FAM13C: variants seen among roughly 807,000 people sequenced by gnomAD.
FAM13C encodes the protein family with sequence similarity 13 member C, also known as protein FAM13C.
FAM13C carries 37 observed loss-of-function variants against 73.2 expected under a neutral mutation model. The observed-to-expected ratio is 0.51, with a 90% CI of 0.39 to 0.67. The LOEUF is 0.67. FAM13C is among the 30% of genes least tolerant of loss of function. FAM13C has a pLI of 0.00. For synonymous variants in FAM13C, 246 were observed against 260.9 expected (o/e 0.94, Z 0.55); for missense variants, 589 against 715.6 (o/e 0.82, Z 2.02).
intron 5 of FAM13C, among the ~76,000 whole-genome samples, chr10:59,288,100 G>C (rs921303288): frequency 6.6e-6 from 1 of 152,180 alleles, no homozygotes; most frequent in Non-Finnish European, 1.5e-5. Context: ...AACACAAATA[G>C]GTTTCAAAGA....
intron 5 of FAM13C, among the ~76,000 whole-genome samples, chr10:59,295,916 C>T (rs1846862337): frequency 6.6e-6 from 1 of 152,188 alleles, no homozygotes; most frequent in African/African-American, 2.4e-5. Context: ...ATGTCAATAA[C>T]ATCCTGTTCT....
At chr10:59,280,670 T>C (rs1844822838) in intron 6 of FAM13C, among the ~76,000 whole-genome samples, 1 of 152,196 alleles carries the variant, frequency 6.6e-6, no homozygotes, top group South Asian at 2.1e-4. Context: ...GTAATTATGA[T>C]CTGTAAGAAG....
chr10:59,252,966 T>G lies in FAM13C; in HGVS notation c.1365A>C (p.Pro455=). The G allele has an allele frequency of 6.2e-7, 1 of 1,613,940 alleles. No individual in the cohort carries two copies. Among genetic ancestry groups the G allele is most frequent in the Non-Finnish European group, 8.5e-7 (1 of 1,179,988 alleles). The change falls in exon 12 of 14, where the codon CCA becomes CCC. Residue 455 remains proline, a synonymous_variant. Coordinates refer to ENST00000618804, the MANE Select transcript of FAM13C (RefSeq NM_198215.4). ...QEEEDSDEDR[P]QGSQQPSLAD... ...CCAAAGAAGGTTGTTGGCTTCCCTG[T>G]GGACGGTCTTCATCAGAGTCCTCTT... is the stretch of plus-strand genomic sequence containing the variant.
At chr10:59,313,212 G>A (rs962665711) in intron 4 of FAM13C, among the ~76,000 whole-genome samples, 6 of 152,178 alleles carry the variant, frequency 3.9e-5, no homozygotes, top group African/African-American at 1.4e-4. Context: ...ACTAGGCCTG[G>A]TTCTTATCCT....
intron 13 of FAM13C, chr10:59,251,039 A>G (rs1221401621): frequency 1.3e-5 from 2 of 154,070 alleles, no homozygotes; most frequent in Admixed American, 6.5e-5. Context: ...TTGGGTTGAC[A>G]CAGAAAAATA....
rs1014158713 is a variant in FAM13C at position 59,268,838 on chromosome 10, C to A, written c.804-147G>T. Reference sequence around the variant, plus strand: ...GATGAGGCCACCATGGTAGCATCTGCTCATTAATGGAGACTCCCTATCACA... The same window carrying A: ...GATGAGGCCACCATGGTAGCATCTGATCATTAATGGAGACTCCCTATCACA... On this transcript the variant is annotated intron_variant, in intron 7 of 13. Transcript: ENST00000618804. The A allele has an allele frequency of 3.3e-6, 3 of 901,120 alleles. No homozygotes were observed. In the African/African-American group the frequency reaches 5.1e-5, roughly 15 times the overall value. The allele number at this position is 901,120 out of a possible 1,614,324, so 55.8% of individuals were successfully genotyped here. A position where few individuals can be genotyped will look rare whatever the true frequency, so the allele number is the denominator to read the frequency against.
Position 59,336,933 on chromosome 10 carries a change from C to T in FAM13C, c.325-12827G>A, listed in dbSNP as rs73299256. On this transcript the variant is annotated intron_variant, in intron 3 of 13. Coordinates refer to ENST00000618804, the MANE Select transcript of FAM13C (RefSeq NM_198215.4). ...CCCATCCTTTCCACATCCTACAGTT[C>T]ACGGATGACAAATTAGGTGGCAGCT... is the stretch of plus-strand genomic sequence containing the variant. Among the ~76,000 whole-genome samples the T allele has an allele frequency of 9.9e-3, 1,501 of 152,294 alleles. 33 individuals are homozygous for T. Among genetic ancestry groups the T allele is most frequent in the African/African-American group, 0.034 (1,411 of 41,562 alleles).
intron 10 of FAM13C, among the ~76,000 whole-genome samples, 197 bp from the exon 11 acceptor site, chr10:59,254,640 G>T (rs945955694): frequency 6.6e-6 from 1 of 151,630 alleles, no homozygotes; most frequent in Non-Finnish European, 1.5e-5. Flanking sequence ...GTCTCACTCT[G>T]TCACCCAGGC....
rs60716601 is a variant in FAM13C at position 59,357,010 on chromosome 10, C to T, written c.63-1067G>A. Among the ~76,000 whole-genome samples the T allele has an allele frequency of 3.3e-3, 500 of 152,302 alleles. 3 individuals are homozygous for T. Among genetic ancestry groups the T allele is most frequent in the African/African-American group, 0.011 (459 of 41,572 alleles). On this transcript the variant is annotated intron_variant, in intron 1 of 13. Transcript: ENST00000618804. ...CAGCTTTTGGACTCTCGGACTTACA[C>T]CAGTGATTTGCCAGGGGCTCTTGTG...
At chr10:59,267,173 G>C (rs150091564) in intron 8 of FAM13C, among the ~76,000 whole-genome samples, 142 of 152,288 alleles carry the variant, frequency 9.3e-4, no homozygotes, top group African/African-American at 3.3e-3. Context: ...TGGAGCCCCT[G>C]GTTGTTACTC....
chr10:59,290,539 C>G (rs1386565100), intron 5 of FAM13C, among the ~76,000 whole-genome samples: 1 of 152,166 alleles, frequency 6.6e-6, no homozygotes, highest in Non-Finnish European at 1.5e-5. Flanking sequence ...TGCTGATTCA[C>G]CTGCTCTCTG....
At chr10:59,265,676 TAA>T (rs1842994455) in intron 8 of FAM13C, among the ~76,000 whole-genome samples, 1 of 152,138 alleles carries the variant, frequency 6.6e-6, no homozygotes, top group South Asian at 2.1e-4. Flanking sequence ...GCAAAAGAAA[TAA>T]GTTTTTACTA....
chr10:59,329,068 AG>A (rs1412051089), intron 3 of FAM13C, among the ~76,000 whole-genome samples: 1 of 152,156 alleles, frequency 6.6e-6, no homozygotes, highest in Non-Finnish European at 1.5e-5. Context: ...TGTCGTAACT[AG>A]GGTAAAGAGC....
intron 10 of FAM13C, among the ~76,000 whole-genome samples, chr10:59,260,671 G>A (rs1193805819): frequency 6.6e-6 from 1 of 151,666 alleles, no homozygotes; most frequent in Non-Finnish European, 1.5e-5. Flanking sequence ...TTTATTTCTT[G>A]TTGTATCCCC....
At chr10:59,289,193 G>A (rs949216194) in intron 5 of FAM13C, among the ~76,000 whole-genome samples, 1 of 152,208 alleles carries the variant, frequency 6.6e-6, no homozygotes, top group Non-Finnish European at 1.5e-5. Flanking sequence ...GCATGCTCCT[G>A]AGAATCTAAT....
intron 8 of FAM13C, 76 bp from the exon 9 acceptor site, chr10:59,264,242 A>G: frequency 9.1e-7 from 1 of 1,101,452 alleles, no homozygotes. Flanking sequence ...GAGAAAAGGA[A>G]AAACAAAATT....
intron 5 of FAM13C, among the ~76,000 whole-genome samples, chr10:59,288,218 G>T (rs577538943): frequency 6.6e-5 from 10 of 152,286 alleles, no homozygotes; most frequent in African/African-American, 2.4e-4. Context: ...GTGGCTGGGC[G>T]CAGTGGCTTA....
In FAM13C at chr10:59,338,690, C is replaced by T. The variant is rs568594142; in HGVS notation, c.324+13580G>A. 3.7e-4 allele frequency among the ~76,000 whole-genome samples: 56 copies of T among 152,268 alleles called. No homozygotes were observed. The South Asian group carries it at 0.011, about 30-fold the overall frequency. On this transcript the variant is annotated intron_variant, in intron 3 of 13. Coordinates refer to ENST00000618804, the MANE Select transcript of FAM13C (RefSeq NM_198215.4). ...TCAGCTTCCCCAAGGTAGAAGTCCCCACTCCATACCATTGTGTAGTCACTG... is the reference window on the plus strand; with the variant it reads ...TCAGCTTCCCCAAGGTAGAAGTCCCTACTCCATACCATTGTGTAGTCACTG...
At chr10:59,261,014 C>T (rs1842454586) in intron 10 of FAM13C, among the ~76,000 whole-genome samples, 1 of 152,088 alleles carries the variant, frequency 6.6e-6, no homozygotes, top group African/African-American at 2.4e-5. Flanking sequence ...CTTCTTACTA[C>T]CCTTGTTAAT....
Sources: allele counts gnomAD v4.1 joint callset (sites outside exome capture counted in the v4.1 genomes callset), GRCh38; gene constraint gnomAD v4.1.1; transcripts MANE v1.5; gene names NCBI Gene and HGNC (gene_info 2026-07-23, HGNC 2026-07-21).